The following TMEM117 variants were observed in gnomAD, a reference collection of about 807,000 sequenced individuals.
TMEM117 encodes the protein transmembrane protein 117.
TMEM117 carries 27 observed loss-of-function variants against 52.4 expected under a neutral mutation model. That is an observed-to-expected ratio of 0.51 (90% CI 0.38 to 0.71). The LOEUF (loss-of-function observed/expected upper bound fraction) is 0.71, where lower values mean the gene tolerates loss of function less well. Ranked by LOEUF, TMEM117 falls within the 30% of genes least tolerant of loss-of-function variation. The pLI, the probability that TMEM117 is intolerant of heterozygous loss-of-function variation, is 0.00. For synonymous variants in TMEM117, 215 were observed against 206.3 expected (o/e 1.04, Z -0.36); for missense variants, 556 against 630.5 (o/e 0.88, Z 1.26).
chr12:43,906,134 A>C (rs1208295125), intron 2 of TMEM117, among the ~76,000 whole-genome samples: 1 of 152,192 alleles, frequency 6.6e-6, no homozygotes, highest in South Asian at 2.1e-4. Flanking sequence ...ATACTTGTGC[A>C]ATACATTTTA....
At position 43,991,437 on chromosome 12, in the gene TMEM117, T is replaced by TTATCTATCTATCTATC. The variant is rs58794606; in HGVS notation, c.410+47118_410+47133dup. Reference sequence around the variant, plus strand: ...ATAACCAATCCACAAATATTTATTGTTATCTATCTATCTATCTATCTATCT... The same window carrying TTATCTATCTATCTATC: ...ATAACCAATCCACAAATATTTATTGTTATCTATCTATCTATCTATCTATCTATCTATCTATCTATCT... On this transcript the variant is annotated intron_variant, in intron 3 of 7. Transcript: ENST00000266534. 9.3e-4 allele frequency among the ~76,000 whole-genome samples: 140 copies of TTATCTATCTATCTATC among 150,184 alleles called. 1 individual carries two copies. The highest frequency in any genetic ancestry group is 6.8e-3 in the Middle Eastern group (2 of 292).
chr12:43,862,204 C>A (rs1943501842), intron 2 of TMEM117, among the ~76,000 whole-genome samples: 2 of 152,094 alleles, frequency 1.3e-5, no homozygotes, highest in South Asian at 4.1e-4. Context: ...AGTCTTGTTC[C>A]TTTGCCCAGG....
chr12:44,307,414 T>C (rs541831588), intron 6 of TMEM117, among the ~76,000 whole-genome samples: 4 of 152,350 alleles, frequency 2.6e-5, no homozygotes, highest in African/African-American at 7.2e-5. Flanking sequence ...AGTTCCTCTT[T>C]ACATGTGTTT....
intron 2 of TMEM117, among the ~76,000 whole-genome samples, chr12:43,905,615 G>C (rs1181027463): frequency 6.6e-6 from 1 of 152,186 alleles, no homozygotes; most frequent in Non-Finnish European, 1.5e-5. Flanking sequence ...TGCAGCTTGA[G>C]AGTGTTAGAA....
intron 3 of TMEM117, among the ~76,000 whole-genome samples, chr12:44,089,984 G>A (rs1167431137): frequency 6.6e-6 from 1 of 152,068 alleles, no homozygotes; most frequent in African/African-American, 2.4e-5. Context: ...ATTGTGATTA[G>A]CAATACTTAC....
chr12:44,101,557 C>G (rs1286170565), intron 3 of TMEM117, among the ~76,000 whole-genome samples: 2 of 151,916 alleles, frequency 1.3e-5, no homozygotes, highest in African/African-American at 4.8e-5. Flanking sequence ...TAAGTCTCTC[C>G]CACCTGTTCC....
chr12:44,263,297 A>G (rs1031616713), intron 5 of TMEM117, among the ~76,000 whole-genome samples: 5 of 152,226 alleles, frequency 3.3e-5, no homozygotes, highest in African/African-American at 7.2e-5. Flanking sequence ...CAAAACCACA[A>G]TGAGATACCA....
intron 3 of TMEM117, among the ~76,000 whole-genome samples, chr12:44,062,410 G>T (rs150367318): frequency 6.6e-6 from 1 of 152,124 alleles, no homozygotes; most frequent in African/African-American, 2.4e-5. Context: ...ATGTCTCAGG[G>T]TATCTAATTA....
At chr12:44,317,336 G>GT (rs1387147298) in intron 6 of TMEM117, among the ~76,000 whole-genome samples, 1 of 147,532 alleles carries the variant, frequency 6.8e-6, no homozygotes, top group Non-Finnish European at 1.5e-5. Context: ...TTTCTCCCTA[G>GT]TGGGTGTAAC....
intron 4 of TMEM117, among the ~76,000 whole-genome samples, chr12:44,201,345 G>C (rs1949493489): frequency 1.3e-5 from 2 of 152,124 alleles, no homozygotes; most frequent in Non-Finnish European, 2.9e-5. Flanking sequence ...AGCTAATAAG[G>C]AATGTAGACA....
chr12:44,287,879 A>G (rs1200519524), intron 5 of TMEM117, among the ~76,000 whole-genome samples: 6 of 152,184 alleles, frequency 3.9e-5, no homozygotes, highest in Admixed American at 3.9e-4. Context: ...ACTGGGTGGG[A>G]TGGTATTGGG....
At chr12:44,386,096 C>T (rs1010980736) in intron 7 of TMEM117, among the ~76,000 whole-genome samples, 2 of 152,030 alleles carry the variant, frequency 1.3e-5, no homozygotes, top group Non-Finnish European at 2.9e-5. Context: ...TTTCCATTTC[C>T]TCAATATTTA....
chr12:44,302,501 T>C (rs1342372694), intron 6 of TMEM117, among the ~76,000 whole-genome samples: 1 of 152,252 alleles, frequency 6.6e-6, no homozygotes, highest in Non-Finnish European at 1.5e-5. Context: ...ATTTCAACTT[T>C]CTCTTCATTA....
intron 3 of TMEM117, chr12:44,009,291 A>G (rs112902203): frequency 1.1e-5 from 3 of 272,174 alleles, no homozygotes; most frequent in African/African-American, 4.7e-5. Flanking sequence ...ATACAGGATG[A>G]TCATTTCCAG....
At chr12:43,841,113 A>G (rs1248186085) in intron 1 of TMEM117, among the ~76,000 whole-genome samples, 2 of 152,234 alleles carry the variant, frequency 1.3e-5, no homozygotes, top group Non-Finnish European at 2.9e-5. Flanking sequence ...ACCCTCTAGA[A>G]GATATCACTT....
chr12:44,157,033 T>A (rs1210590997), intron 4 of TMEM117, among the ~76,000 whole-genome samples: 1 of 152,126 alleles, frequency 6.6e-6, no homozygotes, highest in African/African-American at 2.4e-5. Flanking sequence ...TTGGCTCAGA[T>A]AATATTTAAG....
At chr12:44,224,824 T>A (rs1217028878) in intron 5 of TMEM117, among the ~76,000 whole-genome samples, 1 of 152,098 alleles carries the variant, frequency 6.6e-6, no homozygotes, top group Admixed American at 6.6e-5. Flanking sequence ...ACTGGTAATT[T>A]AAAAAAATCA....
intron 5 of TMEM117, among the ~76,000 whole-genome samples, chr12:44,256,166 C>T (rs1025446194): frequency 1.3e-5 from 2 of 151,728 alleles, no homozygotes; most frequent in Non-Finnish European, 2.9e-5. Context: ...TATACACATA[C>T]ATACCCACAG....
At chr12:44,271,098 A>G (rs1056362698) in intron 5 of TMEM117, among the ~76,000 whole-genome samples, 9 of 151,932 alleles carry the variant, frequency 5.9e-5, no homozygotes, top group African/African-American at 1.9e-4. Context: ...TTGTGCATCT[A>G]TGTTCATCAG....
Sources: allele counts gnomAD v4.1 joint callset (sites outside exome capture counted in the v4.1 genomes callset), GRCh38; gene constraint gnomAD v4.1.1; transcripts MANE v1.5; gene names NCBI Gene and HGNC (gene_info 2026-07-23, HGNC 2026-07-21).